GRM5: variants seen among roughly 807,000 people sequenced by gnomAD.
GRM5 encodes glutamate metabotropic receptor 5, also known as metabotropic glutamate receptor 5.
A neutral mutation model predicts 83.1 loss-of-function variants in GRM5; 19 were observed. That is an observed-to-expected ratio of 0.23 (90% CI 0.16 to 0.34). The LOEUF (loss-of-function observed/expected upper bound fraction) is 0.34, where lower values mean the gene tolerates loss of function less well. Ranked by LOEUF, GRM5 falls within the 10% of genes least tolerant of loss-of-function variation. The probability of loss-of-function intolerance (pLI) is 1.00; values close to 1 mark genes in which losing one functional copy is unlikely to be tolerated. For synonymous variants in GRM5, 675 were observed against 633.6 expected, an observed-to-expected ratio of 1.07 and a Z score of -0.98; for missense variants, 1,160 against 1,588.3, an observed-to-expected ratio of 0.73 and a Z score of 4.58.
At chr11:88,798,825 A>AAAAAAAC (rs777932007) in intron 3 of GRM5, among the ~76,000 whole-genome samples, 8 of 145,290 alleles carry the variant, frequency 5.5e-5, no homozygotes, top group Admixed American at 1.5e-4. Context: ...AAAAAAAAAA[A>AAAAAAAC]AACAACAACA....
rs147082982 is a variant in GRM5, at chr11:88,918,509, T to A, written c.662-68354A>T. Among the ~76,000 whole-genome samples the A allele has an allele frequency of 1.6e-3, 239 of 151,984 alleles. 5 individuals are homozygous for A. In the East Asian group the frequency reaches 0.038, roughly 24 times the overall value. Reference sequence around the variant, plus strand: ...GATCTTTCCTAAAGAAAGTTTTTAATCTGAAAGAAAAGGACATTAAGGAGC... The same window carrying A: ...GATCTTTCCTAAAGAAAGTTTTTAAACTGAAAGAAAAGGACATTAAGGAGC... On this transcript the variant is annotated intron_variant, in intron 2 of 9. Coordinates refer to ENST00000305447, the MANE Select transcript of GRM5 (RefSeq NM_001143831.3).
chr11:88,689,865 T>C (rs905015313), intron 3 of GRM5, among the ~76,000 whole-genome samples: 11 of 151,964 alleles, frequency 7.2e-5, no homozygotes, highest in Non-Finnish European at 1.0e-4. Flanking sequence ...GCCAGGGGGG[T>C]ATAAACAGGC....
At chr11:88,645,957 C>G (rs1349410090) in intron 4 of GRM5, among the ~76,000 whole-genome samples, 1 of 152,046 alleles carries the variant, frequency 6.6e-6, no homozygotes, top group South Asian at 2.1e-4. Context: ...TTTACTTCAA[C>G]TGGGGATATA....
At chr11:88,603,328 A>G (rs1218459230) in intron 5 of GRM5, among the ~76,000 whole-genome samples, 2 of 152,204 alleles carry the variant, frequency 1.3e-5, no homozygotes, top group African/African-American at 2.4e-5. Flanking sequence ...GTGGAGCTAC[A>G]GTCATCAGAT....
rs545718504 is a variant in GRM5 at position 88,802,508 on chromosome 11, T to C, written c.911+47398A>G. On this transcript the variant is annotated intron_variant, in intron 3 of 9. Transcript: ENST00000305447. ...CAACCTTCATGCTAAAAACTCTCAA[T>C]AAATTAGGTATTGATGGGACATATC... Among the ~76,000 whole-genome samples the C allele has an allele frequency of 7.9e-5, 12 of 152,128 alleles. No homozygotes were observed. In the East Asian group the frequency reaches 2.3e-3, roughly 29 times the overall value.
At chr11:89,014,079 T>C (rs896641845) in intron 2 of GRM5, among the ~76,000 whole-genome samples, 1 of 152,174 alleles carries the variant, frequency 6.6e-6, no homozygotes. Context: ...GTCACAAGTA[T>C]ATCCATTATC....
intron 2 of GRM5, among the ~76,000 whole-genome samples, chr11:88,881,622 T>G (rs1430174229): frequency 6.6e-6 from 1 of 152,200 alleles, no homozygotes; most frequent in East Asian, 1.9e-4. Flanking sequence ...AAATGGAGAC[T>G]GTAGTAACAA....
At chr11:88,793,713 G>A (rs1943221152) in intron 3 of GRM5, among the ~76,000 whole-genome samples, 1 of 152,138 alleles carries the variant, frequency 6.6e-6, no homozygotes, top group Non-Finnish European at 1.5e-5. Flanking sequence ...TACTGGGAGG[G>A]CCAATACGGG....
chr11:89,039,232 T>C lies in GRM5; in HGVS notation c.661+7980A>G, dbSNP rs1461943219. ...GTGAGCCGAGATCGCGCCACTGCAC[T>C]CCAGCCTGGGCGACAAACTGAGACT... On this transcript the variant is annotated intron_variant, in intron 2 of 9. Transcript: ENST00000305447. Among the ~76,000 whole-genome samples, 10 of 150,708 alleles carry C rather than the reference T, an allele frequency of 6.6e-5. 1 individual carries two copies. In the South Asian group the frequency reaches 2.1e-3, roughly 32 times the overall value.
At chr11:88,885,893 T>G (rs1254841747) in intron 2 of GRM5, among the ~76,000 whole-genome samples, 1 of 152,100 alleles carries the variant, frequency 6.6e-6, no homozygotes, top group Non-Finnish European at 1.5e-5. Flanking sequence ...ACTAGACATT[T>G]TCAAGATGGC....
At chr11:89,009,056 G>A (rs1187618544) in intron 2 of GRM5, 3 of 744,718 alleles carry the variant, frequency 4.0e-6, no homozygotes, top group Non-Finnish European at 7.5e-6. Flanking sequence ...TAACATCAAT[G>A]TCTGATCCCT....
intron 2 of GRM5, among the ~76,000 whole-genome samples, chr11:89,001,379 A>C (rs115541551): frequency 1.3e-5 from 2 of 152,142 alleles, no homozygotes; most frequent in South Asian, 2.1e-4. Flanking sequence ...ATATCAGGGG[A>C]CAGAGATATT....
intron 3 of GRM5, among the ~76,000 whole-genome samples, chr11:88,722,300 G>A (rs989432731): frequency 1.3e-5 from 2 of 152,094 alleles, no homozygotes; most frequent in Non-Finnish European, 2.9e-5. Flanking sequence ...ATGCCCTGAT[G>A]ACCTGGTGTG....
At chr11:89,064,885 T>A (rs1191084333) in intron 1 of GRM5, among the ~76,000 whole-genome samples, 1 of 55,432 alleles carries the variant, frequency 1.8e-5, no homozygotes, top group African/African-American at 6.9e-5. Context: ...TCTCTCTCTC[T>A]CTCTGTGTGT....
rs115031433 is a variant in GRM5, at chr11:88,581,792, G to A, written c.1690+8809C>T. On this transcript the variant is annotated intron_variant, in intron 7 of 9. Transcript: ENST00000305447. ...ATGAAAAAGCGACCGTGAAATGGTG[G>A]TGTACTTGCTCTGAATGTTATATTG... Among the ~76,000 whole-genome samples the A allele has an allele frequency of 8.1e-3, 1,230 of 152,292 alleles. 15 individuals are homozygous for A. Among genetic ancestry groups the A allele is most frequent in the East Asian group, 0.067 (345 of 5,184 alleles).
chr11:88,591,078 T>C lies in GRM5; in HGVS notation c.1564-351A>G, dbSNP rs1020490960. ...ACCCCAGGATCTGCTCTGCTTCTCC[T>C]TTCCTTAAGTTAAGAACTTCTGCTC... On this transcript the variant is annotated intron_variant, in intron 6 of 9. Coordinates refer to ENST00000305447, the MANE Select transcript of GRM5 (RefSeq NM_001143831.3). Among the ~76,000 whole-genome samples the C allele has an allele frequency of 3.3e-5, 5 of 152,206 alleles. No individual in the cohort carries two copies. In the South Asian group the frequency reaches 1.0e-3, roughly 31 times the overall value.
intron 2 of GRM5, among the ~76,000 whole-genome samples, chr11:88,959,366 A>AT (rs1432136872): frequency 6.6e-6 from 1 of 152,162 alleles, no homozygotes; most frequent in East Asian, 1.9e-4. Flanking sequence ...AATTAATATT[A>AT]TGCAAATTTT....
At chr11:88,707,494 C>T (rs1941190191) in intron 3 of GRM5, among the ~76,000 whole-genome samples, 1 of 152,060 alleles carries the variant, frequency 6.6e-6, no homozygotes, top group Non-Finnish European at 1.5e-5. Flanking sequence ...TTGGTCATCA[C>T]TTCAAGTTTC....
At chr11:88,620,013 C>T (rs369881726) in intron 4 of GRM5, among the ~76,000 whole-genome samples, 112 of 152,246 alleles carry the variant, frequency 7.4e-4, no homozygotes, top group African/African-American at 2.5e-3. Flanking sequence ...CAGTTATGCA[C>T]AGTGGATGAT....
Sources: allele counts gnomAD v4.1 joint callset (sites outside exome capture counted in the v4.1 genomes callset), GRCh38; gene constraint gnomAD v4.1.1; transcripts MANE v1.5; gene names NCBI Gene and HGNC (gene_info 2026-07-23, HGNC 2026-07-21).